The following ARID4A variants were observed in gnomAD, a reference collection of about 807,000 sequenced individuals.
ARID4A encodes the protein AT-rich interactive domain-containing protein 4A.
A neutral mutation model predicts 148.6 loss-of-function variants in ARID4A; 39 were observed. That is an observed-to-expected ratio of 0.26 (90% CI 0.20 to 0.34). The LOEUF (loss-of-function observed/expected upper bound fraction) is 0.34, where lower values mean the gene tolerates loss of function less well. Among genes scored for constraint, ARID4A ranks in the 10% least tolerant of loss-of-function variants. The pLI is 1.00. For synonymous variants in ARID4A, 475 were observed against 481.2 expected, an observed-to-expected ratio of 0.99 and a Z score of 0.17; for missense variants, 1,265 against 1,449.1, an observed-to-expected ratio of 0.87 and a Z score of 2.06.
intron 20 of ARID4A, 51 bp from the exon 21 acceptor site, chr14:58,365,467 C>CTTTTTTTTTTTTTTT (rs71107938): frequency 4.6e-5 from 16 of 351,548 alleles, no homozygotes; most frequent in South Asian, 1.2e-4. Flanking sequence ...TATACTTGCT[C>CTTTTTTTTTTTTTTT]TTTTTTTTTT....
At chr14:58,348,958 C>T (rs2034504637) in intron 15 of ARID4A, among the ~76,000 whole-genome samples, 1 of 152,082 alleles carries the variant, frequency 6.6e-6, no homozygotes, top group Admixed American at 6.6e-5. Context: ...CCGTCCAGTT[C>T]CAGAATATTT....
At chr14:58,301,284 T>A (rs1183968839) in intron 2 of ARID4A, among the ~76,000 whole-genome samples, 1 of 99,238 alleles carries the variant, frequency 1.0e-5, no homozygotes, top group African/African-American at 3.9e-5. Flanking sequence ...TTTTTTCTTA[T>A]CTTTCTGCTT....
chr14:58,318,689 A>C, intron 6 of ARID4A, 22 bp from the exon 7 acceptor site: 1 of 1,613,232 alleles, frequency 6.2e-7, no homozygotes, highest in Non-Finnish European at 8.5e-7. Flanking sequence ...AACGTAATTT[A>C]ATTAATCTAT....
intron 15 of ARID4A, among the ~76,000 whole-genome samples, chr14:58,348,364 A>G (rs925773025): frequency 6.6e-6 from 1 of 152,262 alleles, no homozygotes; most frequent in Non-Finnish European, 1.5e-5. Context: ...CCACGCATTT[A>G]GAATAGTGCC....
chr14:58,328,387 C>A, intron 9 of ARID4A, 71 bp downstream of exon 9: 2 of 990,926 alleles, frequency 2.0e-6, no homozygotes, highest in Non-Finnish European at 3.1e-6. Flanking sequence ...ATAGACACCT[C>A]CCCCACCAAA....
chr14:58,316,649 C>G, intron 5 of ARID4A, among the ~76,000 whole-genome samples: 1 of 152,086 alleles, frequency 6.6e-6, no homozygotes. Context: ...GGCGCAATCT[C>G]TGCTCACTGC....
At chr14:58,330,599 G>A (rs1279418305) in intron 11 of ARID4A, among the ~76,000 whole-genome samples, 1 of 152,102 alleles carries the variant, frequency 6.6e-6, no homozygotes, top group Non-Finnish European at 1.5e-5. Context: ...ACTAAAATGG[G>A]TAGAAGAGGG....
intron 15 of ARID4A, among the ~76,000 whole-genome samples, chr14:58,350,218 A>C (rs2034572977): frequency 6.6e-6 from 1 of 151,980 alleles, no homozygotes; most frequent in South Asian, 2.1e-4. Context: ...TTAAGATAGA[A>C]AGAAATTAAT....
chr14:58,365,516 A>G lies in ARID4A; in HGVS notation c.3212-2A>G. The G allele has an allele frequency of 9.0e-7, 1 of 1,109,228 alleles. No individual in the cohort carries two copies. The highest frequency in any genetic ancestry group is 1.2e-6 in the Non-Finnish European group (1 of 801,286). The allele number at this position is 1,109,228 out of a possible 1,614,324, so 68.7% of individuals were successfully genotyped here. ...AACATTCTCTCTTTCCCCTTATTTC[A>G]GGTCAGAAGAGGCCAAGTGATGGAA... On this transcript the variant is annotated splice_acceptor_variant, in intron 20 of 23. Transcript: ENST00000355431. LOFTEE classifies it high-confidence loss of function.
At chr14:58,360,748 G>C (rs1242691565) in intron 18 of ARID4A, among the ~76,000 whole-genome samples, 153 bp from the exon 19 acceptor site, 1 of 152,184 alleles carries the variant, frequency 6.6e-6, no homozygotes, top group Non-Finnish European at 1.5e-5. Context: ...AGACCAGCCA[G>C]AAAACTCTTC....
At chr14:58,359,418 T>TA (rs572119339) in intron 18 of ARID4A, among the ~76,000 whole-genome samples, 182 of 152,304 alleles carry the variant, frequency 1.2e-3, no homozygotes, top group Non-Finnish European at 2.3e-3. Context: ...GGATGTTTGT[T>TA]ACAACTGATG....
rs1336940855 is a variant in ARID4A at position 58,371,958 on chromosome 14, C to A, written c.3743C>A (p.Pro1248Gln). Residue 1248 changes from proline (P) to glutamine (Q), a missense_variant, in exon 24 of 24, where the codon CCA becomes CAA. Pro to Gln is a moderately conservative substitution (Grantham distance 76, BLOSUM62 -1). Coordinates refer to ENST00000355431, the MANE Select transcript of ARID4A (RefSeq NM_002892.4). ...TGMSPSSSSP[P>Q]QNVLAVECR ...ATGAGTCCCTCATCATCATCTCCCC[C>A]ACAAAATGTACTTGCTGTAGAATGC... 6.2e-7 allele frequency: 1 copy of A among 1,611,536 alleles called. No homozygotes were observed. The highest frequency in any genetic ancestry group is 1.3e-5 in the African/African-American group (1 of 75,014).
At chr14:58,309,968 C>T (rs529081435) in intron 5 of ARID4A, among the ~76,000 whole-genome samples, 15 of 152,198 alleles carry the variant, frequency 9.9e-5, no homozygotes, top group Admixed American at 1.3e-4. Flanking sequence ...TAGTCAGACT[C>T]GCTTATGACA....
chr14:58,333,478 A>G (rs2033642722), intron 11 of ARID4A, among the ~76,000 whole-genome samples: 1 of 152,100 alleles, frequency 6.6e-6, no homozygotes, highest in Non-Finnish European at 1.5e-5. Flanking sequence ...AGCTTTTAAA[A>G]TCATTTTGGC....
intron 5 of ARID4A, among the ~76,000 whole-genome samples, chr14:58,316,192 G>A (rs1487464857): frequency 6.6e-6 from 1 of 152,174 alleles, no homozygotes; most frequent in African/African-American, 2.4e-5. Flanking sequence ...TGAATGTAAT[G>A]TAGAATTTCT....
At chr14:58,313,303 G>C (rs1423770395) in intron 5 of ARID4A, among the ~76,000 whole-genome samples, 1 of 152,136 alleles carries the variant, frequency 6.6e-6, no homozygotes, top group African/African-American at 2.4e-5. Context: ...GGAAGTGCTG[G>C]GGGATGGTTT....
At chr14:58,303,729 C>A in intron 3 of ARID4A, 1 of 269,184 alleles carries the variant, frequency 3.7e-6, no homozygotes, top group South Asian at 3.4e-5. Flanking sequence ...AAATTTTCCC[C>A]ACCCCAGATC....
intron 8 of ARID4A, among the ~76,000 whole-genome samples, chr14:58,326,301 G>T (rs2033206166): frequency 6.6e-6 from 1 of 152,184 alleles, no homozygotes; most frequent in Non-Finnish European, 1.5e-5. Flanking sequence ...GCCAGGCGTG[G>T]TGGTAGGCAC....
chr14:58,347,778 A>G lies in ARID4A; in HGVS notation c.1304A>G (p.Asp435Gly), dbSNP rs1373764942. ...EESMEEALKL[D>G]QEMPLTEVKS... ...TCAATGGAAGAGGCTCTCAAATTAG[A>G]TCAAGAAATGCCTTTAACAGAAGTG... The change falls in exon 15 of 24, where the codon GAT (aspartate) becomes GGT (glycine). Residue 435 changes from aspartate to glycine, a missense_variant. Around this residue, in one of 9 missense-constraint regions of ARID4A, gnomAD observed 205 missense variants for 196.9 expected, o/e 1.04. Coordinates refer to ENST00000355431, the MANE Select transcript of ARID4A (RefSeq NM_002892.4). 1 of 1,613,934 alleles carries G rather than the reference A, an allele frequency of 6.2e-7. No homozygotes were observed. The highest frequency in any genetic ancestry group is 8.5e-7 in the Non-Finnish European group (1 of 1,179,864).
Sources: gnomAD v4.1 joint callset for allele counts (sites outside exome capture counted in the v4.1 genomes callset) on GRCh38, gnomAD v4.1.1 for gene constraint, gnomAD v4.1.1 regional missense constraint, MANE v1.5 for transcripts, NCBI Gene and HGNC (gene_info 2026-07-23, HGNC 2026-07-21) for gene names.